MDN1: variants seen among roughly 807,000 people sequenced by gnomAD.
MDN1 encodes midasin AAA ATPase 1.
Under a neutral mutation model 669.2 loss-of-function variants are expected in MDN1, and 266 were observed. That is an observed-to-expected ratio of 0.40 (90% CI 0.36 to 0.44). The LOEUF (loss-of-function observed/expected upper bound fraction) is 0.44, where lower values mean the gene tolerates loss of function less well. MDN1 is among the 20% of genes least tolerant of loss of function. MDN1 has a pLI of 1.00. For missense variants in MDN1, 5,940 were observed against 6,754.0 expected (o/e 0.88, Z 4.22); for synonymous variants, 2,385 against 2,457.1 (o/e 0.97, Z 0.87).
intron 76 of MDN1, 74 bp downstream of exon 76, chr6:89,677,496 A>G (rs1439122355): frequency 6.3e-7 from 1 of 1,581,378 alleles, no homozygotes; most frequent in Non-Finnish European, 8.6e-7. Flanking sequence ...TGCAATGTGC[A>G]AATGAGGACA....
rs1487707176 is a variant in MDN1, at chr6:89,734,685, A to C, written c.4724-1910T>G. ...AAAGGAAGAAGAAAAAAAAAAAAAA[A>C]AAAACAAGAGAGAGAGAGAGAGAGA... is the stretch of plus-strand genomic sequence containing the variant. On this transcript the variant is annotated intron_variant, in intron 33 of 101. Coordinates refer to ENST00000369393, the MANE Select transcript of MDN1 (RefSeq NM_014611.3). Among the ~76,000 whole-genome samples, 79 of 52,332 alleles carry C rather than the reference A, an allele frequency of 1.5e-3. 2 individuals carry two copies. The South Asian group carries it at 0.043, about 29-fold the overall frequency. The allele number at this position is 52,332 out of a possible 152,430, so 34.3% of individuals were successfully genotyped here.
chr6:89,711,257 AG>A (rs1402052287), intron 49 of MDN1, among the ~76,000 whole-genome samples: 20 of 152,250 alleles, frequency 1.3e-4, no homozygotes, highest in African/African-American at 4.8e-4. Flanking sequence ...AGAACTACAA[AG>A]AAAGTACAGG....
At position 89,698,085 on chromosome 6, in the gene MDN1, A is replaced by C. The variant is rs190325181; in HGVS notation, c.9168+780T>G. On this transcript the variant is annotated intron_variant, in intron 59 of 101. Coordinates refer to ENST00000369393, the MANE Select transcript of MDN1 (RefSeq NM_014611.3). The stretch of plus-strand genomic sequence containing the variant: ...AGCAGATGAACAGGTCCTCATCTCC[A>C]TGTTAAAGGAAACTAAACCTCACTG... Among the ~76,000 whole-genome samples, 32 of 152,324 alleles carry C rather than the reference A, an allele frequency of 2.1e-4. 1 individual carries two copies. Among genetic ancestry groups the C allele is most frequent in the African/African-American group, 7.0e-4 (29 of 41,570 alleles).
intron 15 of MDN1, among the ~76,000 whole-genome samples, chr6:89,763,079 A>G (rs1164896030): frequency 1.3e-5 from 2 of 152,104 alleles, no homozygotes; most frequent in South Asian, 2.1e-4. Flanking sequence ...AAAAAAATTG[A>G]AAGTCCTACT....
intron 13 of MDN1, among the ~76,000 whole-genome samples, chr6:89,773,612 A>C (rs533589372): frequency 6.6e-6 from 1 of 152,178 alleles, no homozygotes; most frequent in African/African-American, 2.4e-5. Context: ...CAACAGAGAC[A>C]GAACTTAGAG....
chr6:89,749,356 G>A lies in MDN1; in HGVS notation c.3629C>T (p.Ala1210Val). ...CAATTCCACAAACCGATTCCTGAAG[G>A]CTCTAGAAAGGACCTAGACAAAGCA... is the stretch of plus-strand genomic sequence containing the variant. The part of the protein sequence containing the change: ...LYGGRKVLSR[A>V]FRNRFVELHF... The change falls in exon 26 of 102, where the codon GCC (alanine) becomes GTC (valine). Residue 1210 changes from alanine (A) to valine (V), a missense_variant. This residue lies in a region of MDN1 where 2,292 missense variants were observed against 2,638.3 expected (regional missense o/e 0.87). Transcript: ENST00000369393. 6.2e-7 allele frequency: 1 copy of A among 1,614,018 alleles called. No homozygotes were observed. The highest frequency in any genetic ancestry group is 1.1e-5 in the South Asian group (1 of 91,040).
chr6:89,727,857 T>G lies in MDN1; in HGVS notation c.5448A>C (p.Ala1816=), dbSNP rs1446548717. The G allele has an allele frequency of 3.7e-6, 6 of 1,613,850 alleles. No individual in the cohort carries two copies. Among genetic ancestry groups the G allele is most frequent in the Middle Eastern group, 1.6e-4 (1 of 6,080 alleles). The change falls in exon 37 of 102, where the codon GCA becomes GCC. Residue 1816 remains alanine (A), a synonymous_variant. Coordinates refer to ENST00000369393, the MANE Select transcript of MDN1 (RefSeq NM_014611.3). ...CCTCATCCAACACCACCCAATGGCC[T>G]GCCTTCAAAGCTGCCAGTAAGGGGC... ...RDGPLLAALK[A]GHWVVLDELN...
chr6:89,736,634 A>G (rs1471655647), intron 33 of MDN1, among the ~76,000 whole-genome samples: 1 of 152,062 alleles, frequency 6.6e-6, no homozygotes, highest in Non-Finnish European at 1.5e-5. Context: ...CTCAAAAAAA[A>G]AACACAAAAA....
rs1382199438 is a variant in MDN1 at position 89,674,389 on chromosome 6, C to T, written c.12962G>A (p.Gly4321Asp). The T allele has an allele frequency of 6.2e-7, 1 of 1,614,198 alleles. No homozygotes were observed. Among genetic ancestry groups the T allele is most frequent in the East Asian group, 2.2e-5 (1 of 44,880 alleles). Residue 4321 changes from glycine (G) to aspartate (D), a missense_variant, in exon 79 of 102, where the codon GGC (glycine) becomes GAC (aspartate). Gly to Asp is a moderately conservative substitution (Grantham distance 94). Around this residue, in one of 5 missense-constraint regions of MDN1, gnomAD observed 2,280 missense variants for 2,576.3 expected, o/e 0.88. Coordinates refer to ENST00000369393, the MANE Select transcript of MDN1 (RefSeq NM_014611.3). ...AGGCTGCCCCAGTACCTGGACATTG[C>T]CATGGCCTGGAGCTGGCCCTACACT... is the stretch of plus-strand genomic sequence containing the variant. ...CPSVGPAPGH[G>D]NVQVLGQPPG...
At chr6:89,753,116 C>T (rs1817040834) in intron 22 of MDN1, among the ~76,000 whole-genome samples, 1 of 151,728 alleles carries the variant, frequency 6.6e-6, no homozygotes, top group Admixed American at 6.6e-5. Flanking sequence ...GAGCAAGACT[C>T]TATCTGCAAA....
chr6:89,775,454 A>G (rs928085882), intron 12 of MDN1, among the ~76,000 whole-genome samples: 14 of 152,214 alleles, frequency 9.2e-5, no homozygotes, highest in African/African-American at 3.1e-4. Flanking sequence ...AATTCCTGCC[A>G]TAAGATCTTT....
At chr6:89,683,387 C>T (rs1811779317) in intron 72 of MDN1, 57 bp from the exon 73 acceptor site, 2 of 1,448,860 alleles carry the variant, frequency 1.4e-6, no homozygotes, top group Non-Finnish European at 1.9e-6. Flanking sequence ...CAAGTGAAGA[C>T]ATATAAAAAA....
chr6:89,658,439 A>G (rs910445274), intron 89 of MDN1, 69 bp from the exon 90 acceptor site: 2 of 1,592,418 alleles, frequency 1.3e-6, no homozygotes, highest in Non-Finnish European at 1.7e-6. Context: ...AGACCTTGCA[A>G]CAAGCAGGCT....
intron 83 of MDN1, among the ~76,000 whole-genome samples, chr6:89,670,168 A>ATTTTTTT (rs1431713155): frequency 2.3e-4 from 5 of 21,636 alleles, no homozygotes; most frequent in African/African-American, 9.7e-4. Context: ...ATATATATAT[A>ATTTTTTT]TATTTTTTTT....
intron 1 of MDN1, among the ~76,000 whole-genome samples, 162 bp from the exon 2 acceptor site, chr6:89,803,716 G>C (rs942435908): frequency 3.3e-5 from 5 of 151,494 alleles, no homozygotes; most frequent in African/African-American, 9.7e-5. Flanking sequence ...CAAGTAGCTG[G>C]GACTACAGGC....
chr6:89,677,807 C>A, intron 75 of MDN1, 111 bp from the exon 76 acceptor site: 1 of 1,421,870 alleles, frequency 7.0e-7, no homozygotes. Context: ...CACCTGAGAG[C>A]TTGTTAGAAA....
intron 100 of MDN1, among the ~76,000 whole-genome samples, chr6:89,646,005 G>A (rs1808467995): frequency 6.6e-6 from 1 of 152,066 alleles, no homozygotes; most frequent in South Asian, 2.1e-4. Flanking sequence ...GTACTTGCAG[G>A]GGGCTGGTTT....
At chr6:89,722,066 T>C (rs549105942) in intron 40 of MDN1, among the ~76,000 whole-genome samples, 51 of 152,342 alleles carry the variant, frequency 3.3e-4, no homozygotes, top group African/African-American at 1.1e-3. Context: ...GATCTTCACC[T>C]GTAAGATGCC....
chr6:89,718,937 A>G lies in MDN1; in HGVS notation c.6151T>C (p.Ser2051Pro), dbSNP rs1240367000. Residue 2051 changes from serine (S) to proline (P), a missense_variant, in exon 42 of 102, where the codon TCA becomes CCA. Around this residue, in one of 5 missense-constraint regions of MDN1, gnomAD observed 2,292 missense variants for 2,638.3 expected, o/e 0.87. Transcript: ENST00000369393. ...LLHQSFQPLESIMKCVQMSWM... is the reference protein window; with the variant it reads ...LLHQSFQPLEPIMKCVQMSWM... ...CTCATCTGCACACACTTCATGATTG[A>G]CTCCAGGGGTTGGAATGACTGGTGC... 2 of 1,613,724 alleles carry G rather than the reference A, an allele frequency of 1.2e-6. No individual in the cohort carries two copies. The highest frequency in any genetic ancestry group is 2.7e-5 in the African/African-American group (2 of 74,802).
Sources: allele counts gnomAD v4.1 joint callset (sites outside exome capture counted in the v4.1 genomes callset), GRCh38; gene constraint gnomAD v4.1.1; regional missense constraint gnomAD v4.1.1; transcripts MANE v1.5; gene names NCBI Gene and HGNC (gene_info 2026-07-23, HGNC 2026-07-21).